The following FAM151A variants were observed in gnomAD, a reference collection of about 807,000 sequenced individuals.
FAM151A encodes family with sequence similarity 151 member A.
In FAM151A, 41 loss-of-function variants were observed where a neutral mutation model predicts 40.4. The ratio of observed to expected loss-of-function variants is 1.01; its 90% CI spans 0.79 to 1.32. FAM151A has a LOEUF of 1.32. FAM151A is among the 40% of genes most tolerant of loss of function. The probability of loss-of-function intolerance (pLI) is 0.00; values close to 1 mark genes in which losing one functional copy is unlikely to be tolerated. For synonymous variants in FAM151A, 337 were observed against 312.5 expected (o/e 1.08, Z -0.83); for missense variants, 740 against 740.4 (o/e 1.00, Z 0.01).
Position 54,609,422 on chromosome 1 carries a change from G to GC in FAM151A, c.1603dup (p.Ala535GlyfsTer25). On this transcript the variant is annotated frameshift_variant, in exon 8 of 8. Coordinates refer to ENST00000302250, the MANE Select transcript of FAM151A (RefSeq NM_176782.3). LOFTEE classifies it low-confidence loss of function (END_TRUNC). ...TGGGTTGTGCTCCACTGTGACGGTG[G>GC]CCCGGGGGGAGGATGCCAGCAGCCT... is the stretch of plus-strand genomic sequence containing the variant. The GC allele has an allele frequency of 6.2e-7, 1 of 1,613,930 alleles. No homozygotes were observed. The highest frequency in any genetic ancestry group is 1.3e-5 in the African/African-American group (1 of 75,078).
At chr1:54,611,537 C>G in intron 6 of FAM151A, 69 bp downstream of exon 6, 2 of 1,541,996 alleles carry the variant, frequency 1.3e-6, no homozygotes, top group South Asian at 1.2e-5. Flanking sequence ...CAGCTCTGCT[C>G]CAGTGCCCAC....
At chr1:54,613,565 G>A (rs997907296) in intron 4 of FAM151A, among the ~76,000 whole-genome samples, 10 of 151,988 alleles carry the variant, frequency 6.6e-5, no homozygotes, top group African/African-American at 2.4e-4. Context: ...TGGGATTATA[G>A]GTGTGAGCCA....
intron 5 of FAM151A, among the ~76,000 whole-genome samples, chr1:54,612,013 T>C (rs1388896896): frequency 6.9e-6 from 1 of 145,390 alleles, no homozygotes; most frequent in African/African-American, 2.6e-5. Flanking sequence ...AGTCCTGTCT[T>C]AGGAAAGGGG....
chr1:54,609,933 C>T lies in FAM151A; in HGVS notation c.1093G>A (p.Gly365Ser). 1 of 1,604,044 alleles carries T rather than the reference C, an allele frequency of 6.2e-7. No homozygotes were observed. ...AGGCCAGTGTTCAGCAGGATCATGCCTTCTGTGTCTGGAAGAGGCGGCAGA... is the reference window on the plus strand; with the variant it reads ...AGGCCAGTGTTCAGCAGGATCATGCTTTCTGTGTCTGGAAGAGGCGGCAGA... ...TATMTLPDTE[G>S]MILLNTGLEG... Residue 365 changes from glycine to serine, a missense_variant, in exon 8 of 8, where the codon GGC (glycine) becomes AGC (serine). By Grantham distance (56) the Gly-to-Ser change is moderately conservative. Coordinates refer to ENST00000302250, the MANE Select transcript of FAM151A (RefSeq NM_176782.3).
Position 54,619,902 on chromosome 1 carries a change from G to A in FAM151A, c.224C>T (p.Ala75Val), listed in dbSNP as rs1644212000. The change falls in exon 2 of 8, where the codon GCA becomes GTA. Residue 75 changes from alanine to valine, a missense_variant. Physicochemically the swap from Ala to Val is moderately conservative, Grantham distance 64. Transcript: ENST00000302250. ...RDALEVTWYH[A>V]ANSKKAMTAA... ...TGTCATGGCTTTCTTGCTGTTGGCT[G>A]CGTGGTACCAGGTGACCTCCAAGGC... 1 of 1,614,062 alleles carries A rather than the reference G, an allele frequency of 6.2e-7. No homozygotes were observed. Among genetic ancestry groups the A allele is most frequent in the African/African-American group, 1.3e-5 (1 of 74,914 alleles).
In FAM151A at chr1:54,614,738, G is replaced by T; in HGVS notation, c.537C>A (p.Gly179=). The T allele has an allele frequency of 1.2e-6, 2 of 1,613,988 alleles. No homozygotes were observed. Among genetic ancestry groups the T allele is most frequent in the Non-Finnish European group, 1.7e-6 (2 of 1,179,958 alleles). ...PIWINADILK[G]PNMLISTEVN... The stretch of plus-strand genomic sequence containing the variant: ...CCTCAGTTGAGATGAGCATGTTGGG[G>T]CCCTTTAAGATGTCAGCGTTGATCC... The change falls in exon 4 of 8, where the codon GGC becomes GGA. Residue 179 remains glycine, a synonymous_variant. Coordinates refer to ENST00000302250, the MANE Select transcript of FAM151A (RefSeq NM_176782.3).
At chr1:54,610,600 G>A (rs748241500) in intron 6 of FAM151A, 45 bp from the exon 7 acceptor site, 1 of 1,594,636 alleles carries the variant, frequency 6.3e-7, no homozygotes, top group Non-Finnish European at 8.6e-7. Flanking sequence ...GCCATTCACA[G>A]AACACCTTAC....
intron 1 of FAM151A, among the ~76,000 whole-genome samples, chr1:54,622,406 C>T (rs1644239055): frequency 2.6e-5 from 4 of 151,978 alleles, no homozygotes; most frequent in African/African-American, 7.3e-5. Context: ...TGGTGAAACC[C>T]GTCTGTACTA....
At chr1:54,619,558 G>T (rs1458591487) in intron 2 of FAM151A, among the ~76,000 whole-genome samples, 1 of 151,964 alleles carries the variant, frequency 6.6e-6, no homozygotes, top group African/African-American at 2.4e-5. Flanking sequence ...GCTTCTTGAG[G>T]CTTTGAAGGT....
intron 1 of FAM151A, 62 bp from the exon 2 acceptor site, chr1:54,620,069 G>A (rs1205078746): frequency 1.3e-5 from 21 of 1,566,432 alleles, no homozygotes; most frequent in Non-Finnish European, 1.6e-5. Flanking sequence ...ACTCATGTTC[G>A]TTCATCCCAT....
At position 54,623,431 on chromosome 1, in the gene FAM151A, C is replaced by G. The variant is rs576301479; in HGVS notation, c.-36G>C. The G allele has an allele frequency of 3.3e-6, 5 of 1,522,752 alleles. No homozygotes were observed. The highest frequency in any genetic ancestry group is 1.4e-5 in the African/African-American group (1 of 73,268). 94.3% of individuals were successfully genotyped at this position (1,522,752 alleles called of 1,614,324 possible). On this transcript the variant is annotated 5_prime_UTR_variant, in exon 1 of 8. Coordinates refer to ENST00000302250, the MANE Select transcript of FAM151A (RefSeq NM_176782.3). ...TCTGGGGAATGCCCCCAACTCCGTG[C>G]GGCCCAGAGTCCCTGAGGCTCCCTG...
rs551831479 is a variant in FAM151A at position 54,617,349 on chromosome 1, C to G, written c.263-1177G>C. On this transcript the variant is annotated intron_variant, in intron 2 of 7. Transcript: ENST00000302250. Reference sequence around the variant, plus strand: ...AGGGGCCTTTTCTCCTGCTTTCTCCCTGACTCCTGACCATTCTTCTCACCT... The same window carrying G: ...AGGGGCCTTTTCTCCTGCTTTCTCCGTGACTCCTGACCATTCTTCTCACCT... Among the ~76,000 whole-genome samples the G allele has an allele frequency of 7.2e-4, 110 of 152,140 alleles. 1 individual carries two copies. Among genetic ancestry groups the G allele is most frequent in the Admixed American group, 5.6e-3 (86 of 15,262 alleles).
At chr1:54,610,041 A>G (rs41297139) in intron 7 of FAM151A, 100 bp from the exon 8 acceptor site, 23,046 of 1,458,668 alleles carry the variant, frequency 0.016, 224 homozygotes, top group Non-Finnish European at 0.018. Context: ...GGGGTCATCA[A>G]GGACCTTGCC....
Position 54,612,562 on chromosome 1 carries a change from C to T in FAM151A, c.724G>A (p.Val242Ile), listed in dbSNP as rs1483501226. The T allele has an allele frequency of 6.2e-7, 1 of 1,614,090 alleles. No homozygotes were observed. The highest frequency in any genetic ancestry group is 2.2e-5 in the East Asian group (1 of 44,842). ...ATGGAAGACCGTACAGGGAAGGTGA[C>T]CCTCTGGGGCACTCCTCCCACCAGC... ...HELVGGVPQR[V>I]TFPVRSSMVR... Residue 242 changes from valine (V) to isoleucine (I), a missense_variant, in exon 5 of 8, where the codon GTC becomes ATC. Coordinates refer to ENST00000302250, the MANE Select transcript of FAM151A (RefSeq NM_176782.3).
intron 4 of FAM151A, among the ~76,000 whole-genome samples, chr1:54,614,484 A>G (rs750721759): frequency 6.6e-6 from 1 of 152,130 alleles, no homozygotes; most frequent in Non-Finnish European, 1.5e-5. Context: ...TAAGATGTCA[A>G]GGAAGTTTCT....
intron 1 of FAM151A, among the ~76,000 whole-genome samples, chr1:54,620,978 G>A (rs1375310277): frequency 1.3e-5 from 2 of 151,038 alleles, no homozygotes; most frequent in South Asian, 4.2e-4. Flanking sequence ...TGGGCAACAT[G>A]GCGAAACCCC....
chr1:54,611,671 G>GTGTTATCCC lies in FAM151A; in HGVS notation c.866_874dup (p.Arg289_Asn291dup). ...GTCATAGTAGACTTGGTGGACAGCA[G>GTGTTATCCC]TGTTATCCCGGACGTAGAGCAGATC... On this transcript the variant is annotated inframe_insertion, in exon 6 of 8. Transcript: ENST00000302250. 6.2e-7 allele frequency: 1 copy of GTGTTATCCC among 1,614,114 alleles called. No homozygotes were observed.
Position 54,616,148 on chromosome 1 carries a change from T to G in FAM151A, c.287A>C (p.Asp96Ala). 6.2e-7 allele frequency: 1 copy of G among 1,614,156 alleles called. No homozygotes were observed. Among genetic ancestry groups the G allele is most frequent in the Non-Finnish European group, 8.5e-7 (1 of 1,180,022 alleles). ...TGTGCCGAGCCCTTCTACATTGACG[T>G]CAGCCTCCAGGACTGTGATGTTGCC... ...LNSNITVLEA[D>A]VNVEGLGTAN... Residue 96 changes from aspartate to alanine, a missense_variant, in exon 3 of 8, where the codon GAC becomes GCC. Physicochemically the swap from Asp to Ala is moderately radical, Grantham distance 126. Transcript: ENST00000302250.
chr1:54,620,784 G>A (rs1262286492), intron 1 of FAM151A, among the ~76,000 whole-genome samples: 1 of 146,056 alleles, frequency 6.8e-6, no homozygotes, highest in Non-Finnish European at 1.5e-5. Flanking sequence ...GAGAGGTGGA[G>A]GTTGTAGTGA....
Sources: gnomAD v4.1 joint callset for allele counts (sites outside exome capture counted in the v4.1 genomes callset) on GRCh38, gnomAD v4.1.1 for gene constraint, MANE v1.5 for transcripts, NCBI Gene and HGNC (gene_info 2026-07-23, HGNC 2026-07-21) for gene names.